Variants in HR observed in about 807,000 individuals in gnomAD.
The protein encoded by HR is lysine-specific demethylase hairless.
A neutral mutation model predicts 128.6 loss-of-function variants in HR; 83 were observed. That is an observed-to-expected ratio of 0.65 (90% CI 0.54 to 0.77). The LOEUF (loss-of-function observed/expected upper bound fraction) is 0.77. Ranked by LOEUF, HR falls within the 30% of genes least tolerant of loss-of-function variation. HR has a pLI of 0.00. For synonymous variants in HR, 681 were observed against 658.2 expected (o/e 1.03, Z -0.53); for missense variants, 1,490 against 1,574.6 (o/e 0.95, Z 0.91).
chr8:22,122,510 C>G lies in HR; in HGVS notation c.2104G>C (p.Gly702Arg). ...GGTCTTACCTGCTGGCCTGCATCCC[C>G]GGGGGCCCATACCCGGGCATCAGCT... ...CQADARVWAP[G>R]DAGQQKESTQ... The change falls in exon 8 of 19, where the codon GGG becomes CGG. Residue 702 changes from glycine (G) to arginine (R), a missense_variant. Around this residue, in one of 3 missense-constraint regions of HR, gnomAD observed 1,060 missense variants for 1,060.9 expected, o/e 1.00. Transcript: ENST00000381418. 1.2e-6 allele frequency: 2 copies of G among 1,609,060 alleles called. No homozygotes were observed. The highest frequency in any genetic ancestry group is 2.2e-5 in the South Asian group (2 of 90,180).
At chr8:22,119,556 G>A (rs189338813) in intron 14 of HR, among the ~76,000 whole-genome samples, 10 of 151,638 alleles carry the variant, frequency 6.6e-5, no homozygotes, top group Admixed American at 2.0e-4. Flanking sequence ...GCGGTGAGCC[G>A]AGATAGTGCC....
rs1390056231 is a variant in HR, at chr8:22,116,660, C to T, written c.3378+215G>A. Among the ~76,000 whole-genome samples the T allele has an allele frequency of 6.6e-6, 1 of 152,200 alleles. No homozygotes were observed. Among genetic ancestry groups the T allele is most frequent in the African/African-American group, 2.4e-5 (1 of 41,440 alleles). Reference sequence around the variant, plus strand: ...GCGAGCCCCCTGACATCAGCATGCCCAGGAGACCAGGAGTGGACTCTGGCG... The same window carrying T: ...GCGAGCCCCCTGACATCAGCATGCCTAGGAGACCAGGAGTGGACTCTGGCG... On this transcript the variant is annotated intron_variant, in intron 17 of 18. Coordinates refer to ENST00000381418, the MANE Select transcript of HR (RefSeq NM_005144.5). The surrounding 1 kb of genome is among the most constrained non-coding windows in gnomAD (Gnocchi z 4.2).
At chr8:22,118,765 G>A (rs1826654991) in intron 16 of HR, 185 bp downstream of exon 16, 1 of 610,052 alleles carries the variant, frequency 1.6e-6, no homozygotes, top group Non-Finnish European at 2.9e-6. Flanking sequence ...CCTTCTCTGA[G>A]CCCCACGGCA....
intron 16 of HR, chr8:22,118,552 C>G: frequency 3.7e-6 from 1 of 269,808 alleles, no homozygotes; most frequent in Non-Finnish European, 7.3e-6. Flanking sequence ...CCATGACAGA[C>G]AGAAGCTCAG....
intron 11 of HR, 42 bp downstream of exon 11, chr8:22,120,674 T>C: frequency 6.6e-7 from 1 of 1,511,280 alleles, no homozygotes; most frequent in South Asian, 1.2e-5. Context: ...GAGGGGCAGG[T>C]GGGGTGGCCA....
rs990795093 is a variant in HR at position 22,115,655 on chromosome 8, C to G, written c.*45G>C. On this transcript the variant is annotated 3_prime_UTR_variant, in exon 19 of 19. Transcript: ENST00000381418. ...CTGAAGTTGTGCCTGGGCTGAGCAC[C>G]TGGTCTACCTGTCCCCACCCCGATC... 1 of 1,568,680 alleles carries G rather than the reference C, an allele frequency of 6.4e-7. No individual in the cohort carries two copies. The highest frequency in any genetic ancestry group is 1.4e-5 in the African/African-American group (1 of 73,954).
rs779183502 is a variant in HR at position 22,119,940 on chromosome 8, AC to A, written c.2847-51del. On this transcript the variant is annotated intron_variant, in intron 13 of 18. Coordinates refer to ENST00000381418, the MANE Select transcript of HR (RefSeq NM_005144.5). ...AGCAGGCCCAACCTGGGCACCAGAG[AC>A]CCCATCAAAGCCCCACCACCACCGG... 24 of 1,611,312 alleles carry A rather than the reference AC, an allele frequency of 1.5e-5. No homozygotes were observed. In the Admixed American group the frequency reaches 3.8e-4, roughly 26 times the overall value.
In HR at chr8:22,120,409, G is replaced by A. The variant is rs1826711028; in HGVS notation, c.2709C>T (p.Pro903=). Residue 903 remains proline (P), a synonymous_variant, in exon 12 of 19, where the codon CCC becomes CCT. Coordinates refer to ENST00000381418, the MANE Select transcript of HR (RefSeq NM_005144.5). ...GGCTGCTGGGCTGGGGAGGTCCGAGGGGGCTCAGCGCCTGCACCTGGCCTC... is the reference window on the plus strand; with the variant it reads ...GGCTGCTGGGCTGGGGAGGTCCGAGAGGGCTCAGCGCCTGCACCTGGCCTC... The part of the protein sequence containing the change: ...ALGGQVQALS[P]LGPPQPSSLG... The A allele has an allele frequency of 1.2e-6, 2 of 1,613,956 alleles. No individual in the cohort carries two copies. The highest frequency in any genetic ancestry group is 2.2e-5 in the East Asian group (1 of 44,882).
At chr8:22,119,679 G>T in intron 14 of HR, 81 bp downstream of exon 14, 1 of 1,496,430 alleles carries the variant, frequency 6.7e-7, no homozygotes, top group Non-Finnish European at 8.9e-7. Flanking sequence ...CCAGGGCCTT[G>T]GCACAGACGC....
In HR at chr8:22,119,810, G is replaced by A; in HGVS notation, c.2927C>T (p.Pro976Leu). Residue 976 changes from proline to leucine, a missense_variant, in exon 14 of 19, where the codon CCA becomes CTA. Physicochemically the swap from Pro to Leu is moderately conservative, Grantham distance 98 (BLOSUM62 -3). Around this residue, in one of 3 missense-constraint regions of HR, gnomAD observed 423 missense variants for 495.9 expected, o/e 0.85. Coordinates refer to ENST00000381418, the MANE Select transcript of HR (RefSeq NM_005144.5). ...HGKLNLASYL[P>L]PGLALRPLEP... ...CAGTGGACGCAGGGCAAGGCCCGGT[G>A]GGAGGTAGGAAGCCAGGTTGAGTTT... The A allele has an allele frequency of 6.2e-7, 1 of 1,613,780 alleles. No individual in the cohort carries two copies. Among genetic ancestry groups the A allele is most frequent in the South Asian group, 1.1e-5 (1 of 91,074 alleles).
Position 22,127,534 on chromosome 8 carries a change from C to T in HR, c.908G>A (p.Gly303Glu), listed in dbSNP as rs746334161. ...VWAGPGDGNL[G>E]YQLGPPATPR... ...TGTTGCTGGTGGCCCCAGCTGGTAC[C>T]CAAGGTTCCCATCGCCTGGCCCAGC... is the stretch of plus-strand genomic sequence containing the variant. The change falls in exon 3 of 19, where the codon GGG becomes GAG. Residue 303 changes from glycine to glutamate, a missense_variant. Gly to Glu is a moderately conservative substitution (Grantham distance 98, BLOSUM62 -2). Coordinates refer to ENST00000381418, the MANE Select transcript of HR (RefSeq NM_005144.5). 3.7e-6 allele frequency: 6 copies of T among 1,613,096 alleles called. No individual in the cohort carries two copies. Among genetic ancestry groups the T allele is most frequent in the Non-Finnish European group, 5.1e-6 (6 of 1,179,966 alleles).
chr8:22,115,804 C>A (rs775124173), intron 18 of HR, 42 bp from the exon 19 acceptor site: 1 of 1,585,374 alleles, frequency 6.3e-7, no homozygotes, highest in Non-Finnish European at 8.7e-7. Context: ...AACTACATTC[C>A]TGGGCCCACC....
rs1266747668 is a variant in HR at position 22,128,816 on chromosome 8, A to C, written c.355T>G (p.Cys119Gly). ...CTATGCTCAGGCATCAGGGGGCCACAGCGAGGTGGGCACGCTGGCCCGCAG... is the reference window on the plus strand; with the variant it reads ...CTATGCTCAGGCATCAGGGGGCCACCGCGAGGTGGGCACGCTGGCCCGCAG... ...AFCGPACPPRCGPLMPEHSGG... is the reference protein window; with the variant it reads ...AFCGPACPPRGGPLMPEHSGG... Residue 119 changes from cysteine to glycine, a missense_variant, in exon 2 of 19, where the codon TGT becomes GGT. Around this residue, in one of 3 missense-constraint regions of HR, gnomAD observed 1,060 missense variants for 1,060.9 expected, o/e 1.00. Transcript: ENST00000381418. 1 of 1,613,056 alleles carries C rather than the reference A, an allele frequency of 6.2e-7. No homozygotes were observed. The highest frequency in any genetic ancestry group is 8.5e-7 in the Non-Finnish European group (1 of 1,179,920).
chr8:22,123,617 T>TCTCCCCCC, intron 6 of HR, 32 bp downstream of exon 6: 7 of 292,092 alleles, frequency 2.4e-5, no homozygotes, highest in South Asian at 6.1e-5. Flanking sequence ...GAGGGCTCCA[T>TCTCCCCCC]CCCGCCCTCC....
At chr8:22,117,341 C>T (rs1167126042) in intron 16 of HR, 1 of 405,192 alleles carries the variant, frequency 2.5e-6, no homozygotes, top group Non-Finnish European at 4.4e-6. Context: ...CTCGGCCCCT[C>T]TCCTCCCTCT....
chr8:22,122,968 C>A, intron 6 of HR, 89 bp from the exon 7 acceptor site: 5 of 1,240,322 alleles, frequency 4.0e-6, no homozygotes, highest in Non-Finnish European at 5.8e-6. Context: ...GATACCTAAA[C>A]CAGGGGACTC....
chr8:22,119,617 A>G (rs1826682388), intron 14 of HR, 143 bp downstream of exon 14: 2 of 181,392 alleles, frequency 1.1e-5, no homozygotes, highest in Middle Eastern at 2.8e-3. Context: ...CAACAACAAC[A>G]AAAAAAAAAA....
Position 22,114,869 on chromosome 8 carries a change from G to GC in HR, c.*830dup, listed in dbSNP as rs555304562. 1.3e-5 allele frequency: 2 copies of GC among 152,512 alleles called. No individual in the cohort carries two copies. Among genetic ancestry groups the GC allele is most frequent in the Non-Finnish European group, 2.9e-5 (2 of 68,280 alleles). The allele number at this position is 152,512 out of a possible 1,614,324, so 9.4% of individuals were successfully genotyped here. ...CACTCAGGAGCATCTTTGGGGGACA[G>GC]CCCCCCACCCCACCCAAAGTCTCCT... is the stretch of plus-strand genomic sequence containing the variant. On this transcript the variant is annotated 3_prime_UTR_variant, in exon 19 of 19. Coordinates refer to ENST00000381418, the MANE Select transcript of HR (RefSeq NM_005144.5).
Position 22,116,232 on chromosome 8 carries a change from C to T in HR, c.3507+68G>A. 6.2e-7 allele frequency: 1 copy of T among 1,607,926 alleles called. No homozygotes were observed. Among genetic ancestry groups the T allele is most frequent in the Non-Finnish European group, 8.5e-7 (1 of 1,177,218 alleles). On this transcript the variant is annotated intron_variant, in intron 18 of 18. Coordinates refer to ENST00000381418, the MANE Select transcript of HR (RefSeq NM_005144.5). This position sits in a 1 kb window ranked among gnomAD's most constrained non-coding sequence, Gnocchi z 4.2. ...AGGGTGGGATCTGCTATGTCCACTG[C>T]AGCTGTGGCACAGGGAGGTGGGAGG...
Sources: gnomAD v4.1 joint callset for allele counts (sites outside exome capture counted in the v4.1 genomes callset) on GRCh38, gnomAD v4.1.1 for gene constraint, gnomAD v4.1.1 regional missense constraint, Gnocchi (gnomAD v3.1) non-coding constraint, MANE v1.5 for transcripts, NCBI Gene and HGNC (gene_info 2026-07-23, HGNC 2026-07-21) for gene names.